Variants in VCPKMT observed in about 807,000 individuals in gnomAD.
The protein encoded by VCPKMT is protein N-lysine methyltransferase METTL21D.
VCPKMT carries 32 observed loss-of-function variants against 28.6 expected under a neutral mutation model. The observed-to-expected ratio is 1.12, with a 90% CI of 0.84 to 1.50. The LOEUF (loss-of-function observed/expected upper bound fraction) is 1.50. VCPKMT is among the 40% of genes most tolerant of loss of function. The pLI is 0.00. For synonymous variants in VCPKMT, 138 were observed against 111.4 expected, an observed-to-expected ratio of 1.24 and a Z score of -1.50; for missense variants, 366 against 285.0, an observed-to-expected ratio of 1.28 and a Z score of -2.05.
At position 50,108,805 on chromosome 14, in the gene VCPKMT, A is replaced by G; in HGVS notation, c.*894T>C. 1 of 985,622 alleles carries G rather than the reference A, an allele frequency of 1.0e-6. No homozygotes were observed. Among genetic ancestry groups the G allele is most frequent in the Middle Eastern group, 5.2e-4 (1 of 1,914 alleles). The allele number at this position is 985,622 out of a possible 1,614,324, so 61.1% of individuals were successfully genotyped here. A position where few individuals can be genotyped will look rare whatever the true frequency, so the allele number is the denominator to read the frequency against. On this transcript the variant is annotated 3_prime_UTR_variant, in exon 6 of 6. Coordinates refer to ENST00000395860, the MANE Select transcript of VCPKMT (RefSeq NM_024558.3). ...TTCATAACATAAAACAGAGAGACAC[A>G]GAACAGAAATTCATTTGGTATATAC...
At chr14:50,104,468 TTC>T (rs776397827), downstream of VCPKMT, among the ~76,000 whole-genome samples, 3 of 152,232 alleles carry the variant, frequency 2.0e-5, no homozygotes, top group Non-Finnish European at 4.4e-5. Context: ...TGCAACAGTT[TTC>T]TTTTTCTGTA....
chr14:50,106,750 C>T, downstream of VCPKMT: 1 of 519,704 alleles, frequency 1.9e-6, no homozygotes, highest in Non-Finnish European at 2.5e-6. Context: ...TAGGGTCTCA[C>T]TGTCACCCAG....
chr14:50,112,492 C>A, intron 5 of VCPKMT, 123 bp downstream of exon 5: 1 of 593,662 alleles, frequency 1.7e-6, no homozygotes, highest in South Asian at 1.9e-5. Context: ...CTGCCTGAGT[C>A]CAGTGAATCA....
chr14:50,114,714 C>G (rs1048629032), intron 3 of VCPKMT, among the ~76,000 whole-genome samples: 2 of 152,174 alleles, frequency 1.3e-5, no homozygotes, highest in Non-Finnish European at 2.9e-5. Context: ...AGCCAGCATG[C>G]TGGTGCACAC....
Position 50,108,794 on chromosome 14 carries a change from C to G in VCPKMT, c.*905G>C, listed in dbSNP as rs1882444381. 2.0e-6 allele frequency: 2 copies of G among 985,576 alleles called. No homozygotes were observed. Among genetic ancestry groups the G allele is most frequent in the Non-Finnish European group, 2.4e-6 (2 of 829,920 alleles). 61.1% of individuals were successfully genotyped at this position (985,576 alleles called of 1,614,324 possible). On this transcript the variant is annotated 3_prime_UTR_variant, in exon 6 of 6. Transcript: ENST00000395860. ...GAGCGAATGGCTTCATAACATAAAA[C>G]AGAGAGACACAGAACAGAAATTCAT... is the stretch of plus-strand genomic sequence containing the variant.
chr14:50,111,989 G>A, intron 5 of VCPKMT: 1 of 985,258 alleles, frequency 1.0e-6, no homozygotes, highest in Non-Finnish European at 1.2e-6. Context: ...GTTATACAGG[G>A]TAAAACATGC....
At chr14:50,105,003 T>C (rs1882275273), downstream of VCPKMT, among the ~76,000 whole-genome samples, 1 of 152,140 alleles carries the variant, frequency 6.6e-6, no homozygotes, top group African/African-American at 2.4e-5. Context: ...TTACCCTGTG[T>C]TATCTTCTGA....
At chr14:50,114,240 C>A (rs768332983) in intron 4 of VCPKMT, 45 bp downstream of exon 4, 11 of 1,449,242 alleles carry the variant, frequency 7.6e-6, no homozygotes, top group Middle Eastern at 1.9e-4. Flanking sequence ...TACAGCCCCC[C>A]TGAAGGGAAA....
chr14:50,116,261 C>T (rs1487237930), intron 1 of VCPKMT, 26 bp downstream of exon 1: 11 of 1,607,022 alleles, frequency 6.8e-6, no homozygotes, highest in Admixed American at 1.7e-5. Context: ...GGCGCCCCCA[C>T]ATCCCGCCCG....
chr14:50,116,507 A>G lies in VCPKMT; in HGVS notation c.46T>C (p.Phe16Leu). ...TCCCGCTTCTCCAAAACTCGCACAA[A>G]GCTCCGCAGTGGGTCCTCCAGCGAG... Reference protein sequence around the residue: ...ESSLEDPLRSFVRVLEKRDGT... With the variant: ...ESSLEDPLRSLVRVLEKRDGT... The change falls in exon 1 of 6, where the codon TTT becomes CTT. Residue 16 changes from phenylalanine to leucine, a missense_variant. Transcript: ENST00000395860. 6.2e-7 allele frequency: 1 copy of G among 1,613,782 alleles called. No homozygotes were observed.
At chr14:50,112,798 AC>A in intron 4 of VCPKMT, 79 bp from the exon 5 acceptor site, 1 of 1,064,988 alleles carries the variant, frequency 9.4e-7, no homozygotes, top group East Asian at 2.8e-5. Context: ...AATGCTGGTT[AC>A]TTTTTTTTTG....
rs1883199024 is a variant in VCPKMT at position 50,116,275 on chromosome 14, G to A, written c.266+12C>T. On this transcript the variant is annotated intron_variant, in intron 1 of 5. Coordinates refer to ENST00000395860, the MANE Select transcript of VCPKMT (RefSeq NM_024558.3). ...AGGCGCCCCCACATCCCGCCCGCCC[G>A]CCAGCTCTTACCCGAGGGTAGCAGC... 7.3e-7 allele frequency: 1 copy of A among 1,361,024 alleles called. No homozygotes were observed. Among genetic ancestry groups the A allele is most frequent in the African/African-American group, 1.5e-5 (1 of 67,704 alleles). The allele number at this position is 1,361,024 out of a possible 1,614,324, so 84.3% of individuals were successfully genotyped here.
chr14:50,115,805 C>G, intron 3 of VCPKMT, 34 bp downstream of exon 3: 1 of 1,576,722 alleles, frequency 6.3e-7, no homozygotes, highest in Non-Finnish European at 8.7e-7. Flanking sequence ...GGTTCATCTT[C>G]TAAGTGAAGA....
chr14:50,111,535 T>TCTCC (rs1323021110), intron 5 of VCPKMT: 1 of 985,224 alleles, frequency 1.0e-6, no homozygotes, highest in Non-Finnish European at 1.2e-6. Flanking sequence ...AAACTAATCA[T>TCTCC]CTCCCTGCCT....
chr14:50,113,766 C>T (rs1414999406), intron 4 of VCPKMT, among the ~76,000 whole-genome samples: 3 of 127,264 alleles, frequency 2.4e-5, no homozygotes, highest in Non-Finnish European at 3.1e-5. Context: ...TGTGGTGGTA[C>T]ATGCCTATAG....
chr14:50,109,413 A>G lies in VCPKMT; in HGVS notation c.*286T>C. On this transcript the variant is annotated 3_prime_UTR_variant, in exon 6 of 6. Coordinates refer to ENST00000395860, the MANE Select transcript of VCPKMT (RefSeq NM_024558.3). ...TTTTGGCAGATTTCAGCCTCGCCTCAATACCAATTTTTATTTGAATAACTG... is the reference window on the plus strand; with the variant it reads ...TTTTGGCAGATTTCAGCCTCGCCTCGATACCAATTTTTATTTGAATAACTG... 1.7e-6 allele frequency: 2 copies of G among 1,144,910 alleles called. No individual in the cohort carries two copies. Among genetic ancestry groups the G allele is most frequent in the African/African-American group, 3.2e-5 (2 of 62,388 alleles). 70.9% of individuals were successfully genotyped at this position (1,144,910 alleles called of 1,614,324 possible).
upstream of VCPKMT, chr14:50,116,572 C>CG (rs1883250794): frequency 6.3e-7 from 1 of 1,589,794 alleles, no homozygotes; most frequent in African/African-American, 1.3e-5. Context: ...CAACAGAAAG[C>CG]GGCGCGCGCA....
At chr14:50,104,747 T>C (rs1882265954), downstream of VCPKMT, among the ~76,000 whole-genome samples, 2 of 152,122 alleles carry the variant, frequency 1.3e-5, no homozygotes, top group South Asian at 4.1e-4. Flanking sequence ...AAGTTTTAAG[T>C]GTCTCAGATG....
chr14:50,114,513 C>G (rs2139443087), intron 3 of VCPKMT, 109 bp from the exon 4 acceptor site: 1 of 746,544 alleles, frequency 1.3e-6, no homozygotes, highest in East Asian at 3.3e-5. Flanking sequence ...ATTTATCCAT[C>G]TTTGAATCAA....
Sources: gnomAD v4.1 joint callset for allele counts (sites outside exome capture counted in the v4.1 genomes callset) on GRCh38, gnomAD v4.1.1 for gene constraint, MANE v1.5 for transcripts, NCBI Gene and HGNC (gene_info 2026-07-23, HGNC 2026-07-21) for gene names.